Variants in MGMT observed in about 807,000 individuals in gnomAD.
MGMT encodes O-6-methylguanine-DNA methyltransferase, also known as methylated-DNA--protein-cysteine methyltransferase.
Under a neutral mutation model 15.9 loss-of-function variants are expected in MGMT, and 14 were observed. The observed-to-expected ratio is 0.88, with a 90% CI of 0.58 to 1.37. The LOEUF (loss-of-function observed/expected upper bound fraction) is 1.37, where lower values mean the gene tolerates loss of function less well. Ranked by LOEUF, MGMT falls within the 40% of genes most tolerant of loss-of-function variation. The pLI is 0.00. For synonymous variants in MGMT, 130 were observed against 118.2 expected (o/e 1.10, Z -0.65); for missense variants, 282 against 268.1 (o/e 1.05, Z -0.36).
intron 2 of MGMT, among the ~76,000 whole-genome samples, chr10:129,615,412 T>C (rs553371): frequency 0.42 from 63,906 of 151,904 alleles, 14,294 homozygotes; most frequent in East Asian, 0.62. Flanking sequence ...GTGGTTATTT[T>C]ACTCAGATCT....
chr10:129,743,462 G>T (rs945482565), intron 3 of MGMT, among the ~76,000 whole-genome samples: 3 of 152,188 alleles, frequency 2.0e-5, no homozygotes, highest in Non-Finnish European at 1.5e-5. Flanking sequence ...CAGTGCGTTG[G>T]TTGGTGGCAT....
At chr10:129,604,807 G>C (rs953609866) in intron 2 of MGMT, among the ~76,000 whole-genome samples, 2 of 139,870 alleles carry the variant, frequency 1.4e-5, no homozygotes, top group African/African-American at 5.3e-5. Context: ...GTCTCCAACA[G>C]ACCTTTACCC....
intron 1 of MGMT, among the ~76,000 whole-genome samples, chr10:129,490,800 A>G (rs1845461742): frequency 2.0e-5 from 3 of 152,118 alleles, no homozygotes; most frequent in Admixed American, 1.3e-4. Flanking sequence ...CTTTATGATT[A>G]ATAGTTTTTA....
At chr10:129,514,591 C>T (rs1173051307) in intron 1 of MGMT, among the ~76,000 whole-genome samples, 2 of 152,166 alleles carry the variant, frequency 1.3e-5, no homozygotes, top group South Asian at 2.1e-4. Context: ...AATGTTTGTT[C>T]TCCCACAAAA....
intron 2 of MGMT, among the ~76,000 whole-genome samples, chr10:129,680,200 T>C (rs987351722): frequency 6.6e-6 from 1 of 152,144 alleles, no homozygotes; most frequent in Admixed American, 6.5e-5. Context: ...TTGTAGACTT[T>C]TCTGTGAATT....
intron 2 of MGMT, among the ~76,000 whole-genome samples, chr10:129,548,291 C>T (rs564086493): frequency 4.6e-5 from 7 of 152,240 alleles, no homozygotes; most frequent in South Asian, 2.1e-4. Context: ...ATTCTTGCCA[C>T]TAAAAATATA....
chr10:129,691,875 A>AGGTGCT (rs1281592614), intron 2 of MGMT, among the ~76,000 whole-genome samples: 2 of 152,306 alleles, frequency 1.3e-5, no homozygotes, highest in East Asian at 3.9e-4. Context: ...GCCACCACTC[A>AGGTGCT]GGTGCTAAAG....
intron 2 of MGMT, among the ~76,000 whole-genome samples, chr10:129,561,930 T>C (rs1055968362): frequency 2.0e-5 from 3 of 152,182 alleles, no homozygotes; most frequent in African/African-American, 4.8e-5. Flanking sequence ...TCCAGAGTCA[T>C]TGTCTAAGAG....
chr10:129,688,924 GGTTT>G (rs1363538255), intron 2 of MGMT, among the ~76,000 whole-genome samples: 1 of 151,856 alleles, frequency 6.6e-6, no homozygotes, highest in East Asian at 1.9e-4. Context: ...TCTGTTTATG[GGTTT>G]GTTTTTTTTT....
intron 2 of MGMT, among the ~76,000 whole-genome samples, chr10:129,699,800 G>A (rs1848075732): frequency 6.6e-6 from 1 of 152,096 alleles, no homozygotes; most frequent in South Asian, 2.1e-4. Flanking sequence ...TCTGCGCTAG[G>A]AATGGGCTGT....
intron 2 of MGMT, among the ~76,000 whole-genome samples, chr10:129,552,115 C>T (rs1259729338): frequency 6.6e-6 from 1 of 152,178 alleles, no homozygotes; most frequent in African/African-American, 2.4e-5. Context: ...GGAAACTGAC[C>T]CACTAAGGGG....
intron 3 of MGMT, among the ~76,000 whole-genome samples, chr10:129,740,090 T>G (rs923761973): frequency 3.9e-5 from 6 of 152,266 alleles, no homozygotes; most frequent in African/African-American, 1.2e-4. Context: ...ATTTTCTCGT[T>G]AGCAGAGCCA....
chr10:129,767,079 TAAAG>T lies in MGMT; in HGVS notation c.*83_*86del. 8.4e-7 allele frequency: 1 copy of T among 1,187,098 alleles called. No homozygotes were observed. Among genetic ancestry groups the T allele is most frequent in the Non-Finnish European group, 1.2e-6 (1 of 862,040 alleles). 73.5% of individuals were successfully genotyped at this position (1,187,098 alleles called of 1,614,324 possible). A position where few individuals can be genotyped will look rare whatever the true frequency, so the allele number is the denominator to read the frequency against. On this transcript the variant is annotated 3_prime_UTR_variant, in exon 5 of 5. Transcript: ENST00000651593. ...GCGGGGCGTGGAGGCACCGCTGTAT[TAAAG>T]GAAGTGGCAGTGTCCTGGGAACAAG...
chr10:129,622,454 A>T (rs1225700970), intron 2 of MGMT, among the ~76,000 whole-genome samples: 1 of 152,206 alleles, frequency 6.6e-6, no homozygotes, highest in Admixed American at 6.5e-5. Flanking sequence ...CTGGAACCTG[A>T]TGCGGTCTAG....
intron 2 of MGMT, among the ~76,000 whole-genome samples, chr10:129,543,187 C>T (rs957786125): frequency 6.6e-6 from 1 of 152,112 alleles, no homozygotes; most frequent in African/African-American, 2.4e-5. Flanking sequence ...TAGCGTAGCC[C>T]GTGATGGTGG....
intron 1 of MGMT, among the ~76,000 whole-genome samples, chr10:129,488,979 T>C (rs1845440464): frequency 6.6e-6 from 1 of 152,212 alleles, no homozygotes; most frequent in South Asian, 2.1e-4. Context: ...CATGCCTTTT[T>C]CTAGGCTCTC....
Position 129,728,431 on chromosome 10 carries a change from G to A in MGMT, c.274+20388G>A, listed in dbSNP as rs557283735. On this transcript the variant is annotated intron_variant, in intron 3 of 4. Coordinates refer to ENST00000651593, the MANE Select transcript of MGMT (RefSeq NM_002412.5). ...GGAAGGGGCCAAGGGGGCGGACCCC[G>A]CAGGGTCCATAATGGTGGTGATTGC... Among the ~76,000 whole-genome samples, 12 of 152,288 alleles carry A rather than the reference G, an allele frequency of 7.9e-5. No individual in the cohort carries two copies. The South Asian group carries it at 1.0e-3, about 13-fold the overall frequency.
rs1845621648 is a variant in MGMT, at chr10:129,506,026, A to ATT, written c.-12-30215_-12-30214insTT. ...TTGCTATTTTTTTTTTTTTTTTTGC[A>ATT]GCATTTCCTCACTAGGCCAGTGGTT... On this transcript the variant is annotated intron_variant, in intron 1 of 4. Transcript: ENST00000651593. Among the ~76,000 whole-genome samples the ATT allele has an allele frequency of 2.5e-5, 3 of 121,458 alleles. No homozygotes were observed. The South Asian group carries it at 7.1e-4, about 29-fold the overall frequency. The allele number at this position is 121,458 out of a possible 152,430, so 79.7% of individuals were successfully genotyped here. A position where few individuals can be genotyped will look rare whatever the true frequency, so the allele number is the denominator to read the frequency against.
chr10:129,722,176 A>G (rs959908245), intron 3 of MGMT, among the ~76,000 whole-genome samples: 1 of 152,192 alleles, frequency 6.6e-6, no homozygotes, highest in Non-Finnish European at 1.5e-5. Flanking sequence ...GAAAATAACT[A>G]TTAAAACCAA....
Sources: allele counts gnomAD v4.1 joint callset (sites outside exome capture counted in the v4.1 genomes callset), GRCh38; gene constraint gnomAD v4.1.1; transcripts MANE v1.5; gene names NCBI Gene and HGNC (gene_info 2026-07-23, HGNC 2026-07-21).